The following FGF13 variants were observed in gnomAD, a reference collection of about 807,000 sequenced individuals.
FGF13 encodes the protein fibroblast growth factor homologous factor 2.
FGF13 carries 2 observed loss-of-function variants against 19.5 expected under a neutral mutation model. That is an observed-to-expected ratio of 0.10 (90% CI 0.04 to 0.32). FGF13 has a LOEUF of 0.32. FGF13 is among the 10% of genes least tolerant of loss of function. FGF13 has a pLI of 1.00. For synonymous variants in FGF13, 72 were observed against 76.9 expected, an observed-to-expected ratio of 0.94 and a Z score of 0.33; for missense variants, 113 against 192.7, an observed-to-expected ratio of 0.59 and a Z score of 2.45.
At chrX:138,944,865 T>C (rs2091774937) in intron 1 of FGF13, among the ~76,000 whole-genome samples, 1 of 111,759 alleles carries the variant, frequency 8.9e-6, no homozygotes, top group African/African-American at 3.3e-5. Context: ...TTTTTCTATT[T>C]AGAAAAAAGA....
At chrX:138,730,085 C>T (rs1302361471) in intron 1 of FGF13, among the ~76,000 whole-genome samples, 1 of 110,782 alleles carries the variant, frequency 9.0e-6, no homozygotes, top group African/African-American at 3.3e-5. Flanking sequence ...CATAAAAATC[C>T]AATTCTGCAG....
intron 1 of FGF13, among the ~76,000 whole-genome samples, chrX:139,012,761 A>G (rs1310324744): frequency 8.9e-6 from 1 of 112,164 alleles, no homozygotes; most frequent in Non-Finnish European, 1.9e-5. Context: ...ATAACATTGA[A>G]AAAACTCTTC....
chrX:138,981,134 G>C (rs1433197184), intron 1 of FGF13, among the ~76,000 whole-genome samples: 1 of 111,335 alleles, frequency 9.0e-6, no homozygotes, highest in African/African-American at 3.3e-5. Context: ...GGACATCTGA[G>C]GAGATTCTAG....
intron 1 of FGF13, among the ~76,000 whole-genome samples, chrX:139,113,377 A>G (rs1020105984): frequency 9.0e-6 from 1 of 111,686 alleles, no homozygotes; most frequent in African/African-American, 3.3e-5. Context: ...TGACTTAAAA[A>G]CAGGCCACCT....
chrX:139,121,931 C>T (rs772690740), intron 1 of FGF13, among the ~76,000 whole-genome samples: 1 of 110,924 alleles, frequency 9.0e-6, no homozygotes, highest in South Asian at 3.8e-4. Flanking sequence ...GGTAAGCAAG[C>T]TTAGGATCGG....
rs1378361203 is a variant in FGF13 at position 138,685,024 on chromosome X, A to G, written c.402+17960T>C. Reference sequence around the variant, plus strand: ...ACACCTGAAAGGAAAATGAACTACTAAATATTCTTAGAAAACGAAACTTCA... The same window carrying G: ...ACACCTGAAAGGAAAATGAACTACTGAATATTCTTAGAAAACGAAACTTCA... On this transcript the variant is annotated intron_variant, in intron 3 of 4. Coordinates refer to ENST00000315930, the MANE Select transcript of FGF13 (RefSeq NM_004114.5). 3.6e-5 allele frequency among the ~76,000 whole-genome samples: 4 copies of G among 112,080 alleles called. No homozygotes were observed. The East Asian group carries it at 1.1e-3, about 31-fold the overall frequency.
chrX:138,941,074 G>A (rs1272863140), intron 1 of FGF13, among the ~76,000 whole-genome samples: 1 of 111,034 alleles, frequency 9.0e-6, no homozygotes, highest in African/African-American at 3.3e-5. Context: ...CAAATAATGA[G>A]AACCATCTAT....
intron 3 of FGF13, among the ~76,000 whole-genome samples, chrX:138,684,687 AG>A (rs749537254): frequency 2.7e-5 from 3 of 111,976 alleles, no homozygotes; most frequent in African/African-American, 9.7e-5. Context: ...ACACAAAATG[AG>A]GCACAGTGAT....
chrX:138,866,107 T>A (rs913684699), intron 1 of FGF13, among the ~76,000 whole-genome samples: 30 of 112,595 alleles, frequency 2.7e-4, no homozygotes, highest in African/African-American at 8.1e-4. Flanking sequence ...GAGGCTACAT[T>A]TTTCCAGAAA....
At chrX:139,107,710 T>TAA (rs949185704) in intron 1 of FGF13, among the ~76,000 whole-genome samples, 6 of 110,208 alleles carry the variant, frequency 5.4e-5, no homozygotes, top group African/African-American at 2.0e-4. Context: ...CCTCAAAATA[T>TAA]AAAATATTAA....
intron 1 of FGF13, among the ~76,000 whole-genome samples, chrX:139,154,693 G>A (rs184898045): frequency 1.4e-4 from 16 of 112,030 alleles, no homozygotes; most frequent in African/African-American, 4.5e-4. Context: ...GGCAAGTGTA[G>A]TCAGGAGCCC....
chrX:138,680,936 C>T (rs757426915), intron 3 of FGF13, among the ~76,000 whole-genome samples: 1 of 110,719 alleles, frequency 9.0e-6, no homozygotes. Context: ...GTTTGGGAGG[C>T]TGAAGCAGGC....
intron 3 of FGF13, among the ~76,000 whole-genome samples, chrX:138,654,231 T>C (rs763582030): frequency 8.9e-6 from 1 of 112,216 alleles, no homozygotes; most frequent in Non-Finnish European, 1.9e-5. Context: ...TAATAAGGAA[T>C]ACAATTTCCT....
At chrX:139,198,602 A>C (rs918535429) in intron 1 of FGF13, among the ~76,000 whole-genome samples, 1 of 112,523 alleles carries the variant, frequency 8.9e-6, no homozygotes, top group Non-Finnish European at 1.9e-5. Context: ...GCTTTACAGT[A>C]ATCACAATAA....
intron 3 of FGF13, among the ~76,000 whole-genome samples, chrX:138,750,507 T>C (rs1307842181): frequency 1.8e-5 from 2 of 111,272 alleles, no homozygotes; most frequent in African/African-American, 6.5e-5. Context: ...GGGCTTCTAG[T>C]GAACCCATCA....
upstream of FGF13, chrX:138,712,285 CTT>C (rs2090062641): frequency 9.0e-6 from 1 of 111,658 alleles, no homozygotes; most frequent in African/African-American, 3.3e-5. Flanking sequence ...TTTTTGCTGA[CTT>C]TTCATTTCAA....
chrX:139,028,418 A>C (rs1399439724), intron 1 of FGF13, among the ~76,000 whole-genome samples: 5 of 111,203 alleles, frequency 4.5e-5, no homozygotes. Flanking sequence ...ATGCCTTGGA[A>C]ATTCCTGGAA....
At chrX:139,035,073 A>G (rs2092246196) in intron 1 of FGF13, among the ~76,000 whole-genome samples, 2 of 111,659 alleles carry the variant, frequency 1.8e-5, no homozygotes, top group Non-Finnish European at 3.8e-5. Context: ...CTCTCCATCT[A>G]CCAATCTATC....
intron 1 of FGF13, among the ~76,000 whole-genome samples, chrX:138,881,532 T>C (rs750782183): frequency 2.9e-4 from 32 of 111,784 alleles, no homozygotes; most frequent in Non-Finnish European, 5.3e-4. Context: ...AGCAGAGTCA[T>C]CTGGTCCTGG....
Sources: gnomAD v4.1 joint callset for allele counts (sites outside exome capture counted in the v4.1 genomes callset) on GRCh38, gnomAD v4.1.1 for gene constraint, MANE v1.5 for transcripts, NCBI Gene and HGNC (gene_info 2026-07-23, HGNC 2026-07-21) for gene names.